The following RIMS1 variants were observed in gnomAD, a reference collection of about 807,000 sequenced individuals.
RIMS1 encodes the protein regulating synaptic membrane exocytosis protein 1.
Under a neutral mutation model 214.1 loss-of-function variants are expected in RIMS1, and 83 were observed. That is an observed-to-expected ratio of 0.39 (90% CI 0.32 to 0.47). The LOEUF is 0.47. RIMS1 is among the 20% of genes least tolerant of loss of function. RIMS1 has a pLI of 0.99. For missense variants in RIMS1, 2,050 were observed against 2,161.8 expected (o/e 0.95, Z 1.03); for synonymous variants, 793 against 786.8 (o/e 1.01, Z -0.13).
intron 6 of RIMS1, chr6:72,217,087 T>C (rs2056427154): frequency 6.6e-7 from 1 of 1,508,372 alleles, no homozygotes; most frequent in South Asian, 1.3e-5. Context: ...TGTTGTATTT[T>C]GGTGGATTTT....
In RIMS1 at chr6:72,218,169, G is replaced by T. The variant is rs571464871; in HGVS notation, c.1679-15604G>T. Among the ~76,000 whole-genome samples, 171 of 146,040 alleles carry T rather than the reference G, an allele frequency of 1.2e-3. 1 individual carries two copies. The highest frequency in any genetic ancestry group is 4.1e-3 in the African/African-American group (161 of 39,580). Reference sequence around the variant, plus strand: ...TGCCAAATAGGCATTGAGTAAGTTTGAGGTGTCCCAAGGGCACCTACTATT... The same window carrying T: ...TGCCAAATAGGCATTGAGTAAGTTTTAGGTGTCCCAAGGGCACCTACTATT... On this transcript the variant is annotated intron_variant, in intron 6 of 33. Coordinates refer to ENST00000521978, the MANE Select transcript of RIMS1 (RefSeq NM_014989.7).
intron 2 of RIMS1, among the ~76,000 whole-genome samples, chr6:72,054,704 T>G (rs1344525086): frequency 6.6e-6 from 1 of 152,124 alleles, no homozygotes; most frequent in East Asian, 1.9e-4. Flanking sequence ...TTCATGTTTG[T>G]TGGCTGCATA....
chr6:72,067,463 C>T (rs1447713568), intron 2 of RIMS1, among the ~76,000 whole-genome samples: 14 of 152,146 alleles, frequency 9.2e-5, no homozygotes, highest in Admixed American at 5.9e-4. Flanking sequence ...CATCTCTATT[C>T]AAATTCACTT....
rs928403826 is a variant in RIMS1 at position 72,265,045 on chromosome 6, A to T, written c.3187A>T (p.Ile1063Phe). 4.0e-5 allele frequency: 63 copies of T among 1,579,246 alleles called. 1 individual carries two copies. In the Admixed American group the frequency reaches 8.5e-4, roughly 21 times the overall value. Residue 1063 changes from isoleucine to phenylalanine, a missense_variant, in exon 20 of 34, where the codon ATT becomes TTT. Around this residue, in one of 6 missense-constraint regions of RIMS1, gnomAD observed 889 missense variants for 885.5 expected, o/e 1.00. Transcript: ENST00000521978. ...PLLQSSSHWN[I>F]YSSILPAHTK... ...ATTACAGAGCAGTTCTCACTGGAAT[A>T]TTTACAGGTAAGAGCCCTAACAGTG...
At chr6:72,336,319 A>G (rs2096842392) in intron 29 of RIMS1, among the ~76,000 whole-genome samples, 2 of 151,796 alleles carry the variant, frequency 1.3e-5, no homozygotes, top group South Asian at 2.1e-4. Context: ...TCATCTTTGT[A>G]TTAATAAGTA....
At chr6:72,359,112 G>C (rs754566397) in intron 29 of RIMS1, among the ~76,000 whole-genome samples, 1 of 152,190 alleles carries the variant, frequency 6.6e-6, no homozygotes, top group Non-Finnish European at 1.5e-5. Context: ...CAACAGAGCT[G>C]AGAGGCCAAA....
At chr6:71,905,517 A>G (rs1192250) in intron 1 of RIMS1, among the ~76,000 whole-genome samples, 103,716 of 151,972 alleles carry the variant, frequency 0.68, 35,549 homozygotes, top group African/African-American at 0.73. Flanking sequence ...GAGCACATGG[A>G]ATATTTGCTG....
In RIMS1 at chr6:72,087,638, G is replaced by A. The variant is rs182885693; in HGVS notation, c.246-9311G>A. On this transcript the variant is annotated intron_variant, in intron 2 of 33. Transcript: ENST00000521978. ...GGCTTGAGCATCCCAAGAAACTGTT[G>A]CCATGACATTTGCTTTTGACTGGTC... is the stretch of plus-strand genomic sequence containing the variant. 3.9e-5 allele frequency among the ~76,000 whole-genome samples: 6 copies of A among 152,268 alleles called. No individual in the cohort carries two copies. In the East Asian group the frequency reaches 5.8e-4, roughly 15 times the overall value.
intron 1 of RIMS1, among the ~76,000 whole-genome samples, chr6:71,938,492 A>G (rs1785111070): frequency 6.6e-6 from 1 of 152,230 alleles, no homozygotes; most frequent in Non-Finnish European, 1.5e-5. Context: ...TGCATTCTGC[A>G]TGCCTGAAAA....
chr6:72,372,027 A>G (rs2098235908), intron 29 of RIMS1, among the ~76,000 whole-genome samples: 1 of 152,232 alleles, frequency 6.6e-6, no homozygotes, highest in South Asian at 2.1e-4. Context: ...AATGTGGAGT[A>G]TTAGAATAAA....
chr6:72,008,230 A>G (rs996460072), intron 2 of RIMS1, among the ~76,000 whole-genome samples: 1 of 152,004 alleles, frequency 6.6e-6, no homozygotes, highest in South Asian at 2.1e-4. Flanking sequence ...ACTAAGCTTC[A>G]TAAGTGAAGG....
At chr6:72,244,848 T>G (rs1177855754) in intron 10 of RIMS1, among the ~76,000 whole-genome samples, 1 of 151,582 alleles carries the variant, frequency 6.6e-6, no homozygotes, top group Non-Finnish European at 1.5e-5. Flanking sequence ...CCCCCAAAAG[T>G]GAAAAGAAAA....
At chr6:71,994,258 T>C (rs1802727603) in intron 2 of RIMS1, among the ~76,000 whole-genome samples, 1 of 152,166 alleles carries the variant, frequency 6.6e-6, no homozygotes, top group African/African-American at 2.4e-5. Flanking sequence ...TCATTTGGGG[T>C]TTGGCAAAAC....
At chr6:72,295,537 G>T (rs1480745158) in intron 26 of RIMS1, among the ~76,000 whole-genome samples, 2 of 151,478 alleles carry the variant, frequency 1.3e-5, no homozygotes, top group African/African-American at 4.8e-5. Flanking sequence ...AAAAATTTTT[G>T]TTATGAAAAT....
chr6:72,157,240 G>A (rs1417011361), intron 4 of RIMS1, among the ~76,000 whole-genome samples: 1 of 140,370 alleles, frequency 7.1e-6, no homozygotes, highest in South Asian at 2.4e-4. Context: ...AATATATAGA[G>A]CATTTGTAGA....
intron 2 of RIMS1, among the ~76,000 whole-genome samples, chr6:72,017,567 GTTTA>G (rs1050283600): frequency 5.9e-5 from 9 of 152,244 alleles, no homozygotes; most frequent in East Asian, 3.9e-4. Context: ...GGTGGCATTT[GTTTA>G]TTTATTTAAA....
intron 1 of RIMS1, among the ~76,000 whole-genome samples, chr6:71,936,073 G>T (rs529411041): frequency 1.3e-5 from 2 of 151,946 alleles, no homozygotes; most frequent in African/African-American, 4.8e-5. Flanking sequence ...GGTGTGGGCC[G>T]GGCGCGGTGG....
intron 2 of RIMS1, among the ~76,000 whole-genome samples, chr6:71,992,324 A>G (rs753445040): frequency 1.2e-4 from 18 of 152,186 alleles, no homozygotes; most frequent in African/African-American, 4.3e-4. Flanking sequence ...GTTATGCATG[A>G]CAGCCAAGGC....
At chr6:71,968,099 G>A (rs1794920733) in intron 1 of RIMS1, among the ~76,000 whole-genome samples, 1 of 152,218 alleles carries the variant, frequency 6.6e-6, no homozygotes, top group African/African-American at 2.4e-5. Flanking sequence ...CAAAGACTAA[G>A]ATGTGAGGTC....
Sources: allele counts gnomAD v4.1 joint callset (sites outside exome capture counted in the v4.1 genomes callset), GRCh38; gene constraint gnomAD v4.1.1; regional missense constraint gnomAD v4.1.1; transcripts MANE v1.5; gene names NCBI Gene and HGNC (gene_info 2026-07-23, HGNC 2026-07-21).